Variants in PDSS2 observed in about 807,000 individuals in gnomAD.
The protein encoded by PDSS2 is all trans-polyprenyl-diphosphate synthase PDSS2.
A neutral mutation model predicts 44.5 loss-of-function variants in PDSS2; 31 were observed. The ratio of observed to expected loss-of-function variants is 0.70; its 90% confidence interval spans 0.52 to 0.94. The LOEUF is 0.94. Ranked by LOEUF, PDSS2 falls within the 40% of genes least tolerant of loss-of-function variation. PDSS2 has a pLI of 0.00. For missense variants in PDSS2, 452 were observed against 482.2 expected, an observed-to-expected ratio of 0.94 and a Z score of 0.59; for synonymous variants, 157 against 180.3, an observed-to-expected ratio of 0.87 and a Z score of 1.03.
intron 1 of PDSS2, among the ~76,000 whole-genome samples, chr6:107,362,825 T>C (rs372481172): frequency 1.3e-5 from 2 of 152,108 alleles, no homozygotes; most frequent in Non-Finnish European, 1.5e-5. Flanking sequence ...AGTAAAAAGA[T>C]AGAAAATATT....
intron 3 of PDSS2, among the ~76,000 whole-genome samples, chr6:107,259,768 C>A (rs1189038024): frequency 6.6e-6 from 1 of 152,152 alleles, no homozygotes; most frequent in Non-Finnish European, 1.5e-5. Flanking sequence ...GTTCTTTCCA[C>A]TTCTCTTTGT....
intron 4 of PDSS2, among the ~76,000 whole-genome samples, chr6:107,222,928 A>C (rs2114688822): frequency 6.6e-6 from 1 of 151,726 alleles, no homozygotes. Context: ...CAACAAAGTG[A>C]CACCCTGTCT....
rs1372498697 is a variant in PDSS2 at position 107,449,316 on chromosome 6, T to C, written c.296+9674A>G. Among the ~76,000 whole-genome samples the C allele has an allele frequency of 3.3e-5, 5 of 152,246 alleles. No homozygotes were observed. In the East Asian group the frequency reaches 9.6e-4, roughly 29 times the overall value. On this transcript the variant is annotated intron_variant, in intron 1 of 7. Transcript: ENST00000369037. ...AATTGGGTAAAATTTACATAAAATT[T>C]ACCATCTTAACCATTTTAAGTGTAC... is the stretch of plus-strand genomic sequence containing the variant.
chr6:107,364,351 C>T (rs970734247), intron 1 of PDSS2, among the ~76,000 whole-genome samples: 6 of 152,252 alleles, frequency 3.9e-5, no homozygotes, highest in Non-Finnish European at 7.3e-5. Flanking sequence ...GGGTGGGAGG[C>T]TCAGGCATGG....
At chr6:107,403,075 C>T (rs770851270) in intron 1 of PDSS2, among the ~76,000 whole-genome samples, 40 of 152,166 alleles carry the variant, frequency 2.6e-4, no homozygotes, top group Non-Finnish European at 2.9e-4. Flanking sequence ...AAGTCCCTTC[C>T]GCCTAGGAGC....
chr6:107,275,711 T>C (rs1373576025), intron 2 of PDSS2, among the ~76,000 whole-genome samples: 1 of 152,112 alleles, frequency 6.6e-6, no homozygotes, highest in African/African-American at 2.4e-5. Flanking sequence ...GTGGAGTGTT[T>C]GCTTTGAGTC....
chr6:107,335,631 A>T (rs544938483), intron 1 of PDSS2, among the ~76,000 whole-genome samples: 1 of 152,290 alleles, frequency 6.6e-6, no homozygotes, highest in East Asian at 1.9e-4. Flanking sequence ...GCTATACCTG[A>T]GGCTAGAAAT....
chr6:107,297,182 C>T (rs760363138), intron 2 of PDSS2, among the ~76,000 whole-genome samples: 2 of 152,150 alleles, frequency 1.3e-5, no homozygotes, highest in Non-Finnish European at 2.9e-5. Flanking sequence ...AATTAAAAGA[C>T]CAGTGTTTCC....
At chr6:107,210,630 T>A in intron 5 of PDSS2, 60 bp from the exon 6 acceptor site, 1 of 1,152,890 alleles carries the variant, frequency 8.7e-7, no homozygotes, top group Non-Finnish European at 1.3e-6. Flanking sequence ...TATGTTTTAG[T>A]TATATTCAGA....
intron 7 of PDSS2, among the ~76,000 whole-genome samples, chr6:107,187,299 G>A (rs1033615729): frequency 1.3e-5 from 2 of 152,188 alleles, no homozygotes; most frequent in Admixed American, 1.3e-4. Flanking sequence ...TTACTGGCAT[G>A]AGAAATACTA....
intron 7 of PDSS2, chr6:107,192,545 T>G: frequency 3.2e-6 from 1 of 312,336 alleles, no homozygotes; most frequent in Non-Finnish European, 6.4e-6. Context: ...CTACCGCAAA[T>G]GGCCCCCAAA....
intron 2 of PDSS2, among the ~76,000 whole-genome samples, chr6:107,310,903 AT>A (rs1167320580): frequency 6.6e-6 from 1 of 151,142 alleles, no homozygotes; most frequent in East Asian, 1.9e-4. Flanking sequence ...ATTCAAGTAT[AT>A]TTAGCAAAAA....
intron 1 of PDSS2, among the ~76,000 whole-genome samples, chr6:107,414,715 C>A (rs1424899712): frequency 2.0e-5 from 3 of 152,160 alleles, no homozygotes; most frequent in Non-Finnish European, 4.4e-5. Flanking sequence ...GCTTCCCCAG[C>A]AGGAAAGTAA....
At chr6:107,434,583 A>C (rs1407622996) in intron 1 of PDSS2, among the ~76,000 whole-genome samples, 2 of 152,214 alleles carry the variant, frequency 1.3e-5, no homozygotes, top group East Asian at 3.8e-4. Context: ...GAGTAGAATG[A>C]TAGTTACCAG....
intron 1 of PDSS2, among the ~76,000 whole-genome samples, chr6:107,455,012 C>T (rs1322138081): frequency 1.3e-5 from 2 of 152,046 alleles, no homozygotes; most frequent in African/African-American, 2.4e-5. Flanking sequence ...ATTTGCAACA[C>T]ATTATTGTAG....
chr6:107,429,901 A>AAAAAAAATATATATAT (rs1166637352), intron 1 of PDSS2, among the ~76,000 whole-genome samples: 2 of 31,832 alleles, frequency 6.3e-5, no homozygotes, highest in Non-Finnish European at 1.1e-4. Flanking sequence ...AAAAAAAAAA[A>AAAAAAAATATATATAT]ATATATATAT....
intron 1 of PDSS2, among the ~76,000 whole-genome samples, chr6:107,335,085 G>A (rs974360470): frequency 6.6e-6 from 1 of 151,562 alleles, no homozygotes; most frequent in Non-Finnish European, 1.5e-5. Flanking sequence ...CCAGGGTTGG[G>A]GGGGTGCTGA....
At chr6:107,428,600 G>GGAA (rs1480036896) in intron 1 of PDSS2, among the ~76,000 whole-genome samples, 9 of 152,150 alleles carry the variant, frequency 5.9e-5, no homozygotes, top group Admixed American at 5.2e-4. Context: ...AGCTGAGGCA[G>GGAA]GAAGATCACT....
intron 2 of PDSS2, among the ~76,000 whole-genome samples, chr6:107,303,899 AT>A: frequency 6.6e-6 from 1 of 152,334 alleles, no homozygotes; most frequent in African/African-American, 2.4e-5. Context: ...TAAATGAGTT[AT>A]TTTACTTTCA....
Sources: allele counts gnomAD v4.1 joint callset (sites outside exome capture counted in the v4.1 genomes callset), GRCh38; gene constraint gnomAD v4.1.1; transcripts MANE v1.5; gene names NCBI Gene and HGNC (gene_info 2026-07-23, HGNC 2026-07-21).